The following INPP5A variants were observed in gnomAD, a reference collection of about 807,000 sequenced individuals.
INPP5A encodes the protein 43 kDa inositol polyphosphate 5-phophatase.
Under a neutral mutation model 65.2 loss-of-function variants are expected in INPP5A, and 14 were observed. The observed-to-expected ratio is 0.21, with a 90% CI of 0.14 to 0.34. The LOEUF is 0.34. Ranked by LOEUF, INPP5A falls within the 10% of genes least tolerant of loss-of-function variation. INPP5A has a pLI of 1.00. For synonymous variants in INPP5A, 207 were observed against 208.3 expected, an observed-to-expected ratio of 0.99 and a Z score of 0.05; for missense variants, 431 against 545.6, an observed-to-expected ratio of 0.79 and a Z score of 2.09.
At chr10:132,744,954 G>T (rs1335048018) in intron 9 of INPP5A, among the ~76,000 whole-genome samples, 1 of 152,190 alleles carries the variant, frequency 6.6e-6, no homozygotes, top group Non-Finnish European at 1.5e-5. Context: ...CCTGGGCCCG[G>T]CGGTGCAGCC....
intron 1 of INPP5A, among the ~76,000 whole-genome samples, chr10:132,597,188 C>A (rs1294777937): frequency 6.6e-6 from 1 of 152,250 alleles, no homozygotes; most frequent in South Asian, 2.1e-4. Context: ...TATGCACATG[C>A]ACTTGTGTTT....
rs1845367172 is a variant in INPP5A, at chr10:132,697,694, C to T, written c.371-122C>T. On this transcript the variant is annotated intron_variant, in intron 5 of 15. Transcript: ENST00000368594. The surrounding 1 kb of genome is among the most constrained non-coding windows in gnomAD (Gnocchi z 5.6). Reference sequence around the variant, plus strand: ...TGGGTCGGACCCCTCATCAGGGCCTCCTCTCGGGGGGCCTCTCTGGCTCCC... The same window carrying T: ...TGGGTCGGACCCCTCATCAGGGCCTTCTCTCGGGGGGCCTCTCTGGCTCCC... 1 of 686,650 alleles carries T rather than the reference C, an allele frequency of 1.5e-6. No individual in the cohort carries two copies. The highest frequency in any genetic ancestry group is 2.3e-5 in the Admixed American group (1 of 44,162). The allele number at this position is 686,650 out of a possible 1,614,324, so 42.5% of individuals were successfully genotyped here.
Position 132,674,681 on chromosome 10 carries a change from TG to T in INPP5A, c.307-15710del, listed in dbSNP as rs1564959239. 6.6e-6 allele frequency among the ~76,000 whole-genome samples: 1 copy of T among 152,196 alleles called. No homozygotes were observed. The highest frequency in any genetic ancestry group is 2.4e-5 in the African/African-American group (1 of 41,442). ...ATGCCACTTCCATTTGATGATGGAA[TG>T]CTGCTGTGCATGACCCACTTCATGG... is the stretch of plus-strand genomic sequence containing the variant. On this transcript the variant is annotated intron_variant, in intron 4 of 15. Transcript: ENST00000368594. This position sits in a 1 kb window ranked among gnomAD's most constrained non-coding sequence, Gnocchi z 4.4.
Position 132,537,870 on chromosome 10 carries a change from G to T in INPP5A, c.-227G>T. On this transcript the variant is annotated 5_prime_UTR_variant, in exon 1 of 16. Coordinates refer to ENST00000368594, the MANE Select transcript of INPP5A (RefSeq NM_005539.5). Reference sequence around the variant, plus strand: ...CTGCGCGCGGGCCGCTGTGAGGCGCGGCGGCGAGCGACGGGCGCGGGGCCG... The same window carrying T: ...CTGCGCGCGGGCCGCTGTGAGGCGCTGCGGCGAGCGACGGGCGCGGGGCCG... 1 of 345,964 alleles carries T rather than the reference G, an allele frequency of 2.9e-6. No homozygotes were observed. Among genetic ancestry groups the T allele is most frequent in the South Asian group, 1.4e-4 (1 of 7,384 alleles). The allele number at this position is 345,964 out of a possible 1,614,324, so 21.4% of individuals were successfully genotyped here.
intron 1 of INPP5A, among the ~76,000 whole-genome samples, chr10:132,607,004 A>G (rs2071865540): frequency 6.6e-6 from 1 of 151,212 alleles, no homozygotes; most frequent in Non-Finnish European, 1.5e-5. Context: ...ACGGTGGGCG[A>G]TGTTGGAGCT....
At chr10:132,621,152 C>G (rs546801266) in intron 2 of INPP5A, among the ~76,000 whole-genome samples, 27 of 152,266 alleles carry the variant, frequency 1.8e-4, no homozygotes, top group African/African-American at 6.5e-4. Flanking sequence ...CTACAGAGCC[C>G]CACAGCTCAT....
Position 132,704,391 on chromosome 10 carries a change from A to AC in INPP5A, c.475-3920dup, listed in dbSNP as rs1405293101. Among the ~76,000 whole-genome samples the AC allele has an allele frequency of 6.6e-6, 1 of 152,176 alleles. No individual in the cohort carries two copies. Among genetic ancestry groups the AC allele is most frequent in the East Asian group, 1.9e-4 (1 of 5,184 alleles). ...GACTGTGGCCTAAAGCCACCAAGGGACCATAGGTGCAGTTCTTAACCTGTG... is the reference window on the plus strand; with the variant it reads ...GACTGTGGCCTAAAGCCACCAAGGGACCCATAGGTGCAGTTCTTAACCTGTG... On this transcript the variant is annotated intron_variant, in intron 6 of 15. Transcript: ENST00000368594. This position sits in a 1 kb window ranked among gnomAD's most constrained non-coding sequence, Gnocchi z 4.5.
rs543345447 is a variant in INPP5A, at chr10:132,575,397, G to C, written c.76-32518G>C. ...CAGCCCCCCGCAGCTCACAGGGTCA[G>C]GATGGGAGGGGAGTACAGGCTGAGG... On this transcript the variant is annotated intron_variant, in intron 1 of 15. Coordinates refer to ENST00000368594, the MANE Select transcript of INPP5A (RefSeq NM_005539.5). This position sits in a 1 kb window ranked among gnomAD's most constrained non-coding sequence, Gnocchi z 5.4. 5.9e-5 allele frequency among the ~76,000 whole-genome samples: 9 copies of C among 152,296 alleles called. No homozygotes were observed. The South Asian group carries it at 1.9e-3, about 32-fold the overall frequency.
intron 12 of INPP5A, among the ~76,000 whole-genome samples, chr10:132,768,057 T>C (rs1206040338): frequency 2.3e-5 from 3 of 127,884 alleles, no homozygotes; most frequent in African/African-American, 6.1e-5. Context: ...GTTCCCAGGG[T>C]GCCCACGCAC....
At chr10:132,539,967 T>C (rs1020062330) in intron 1 of INPP5A, among the ~76,000 whole-genome samples, 8 of 152,212 alleles carry the variant, frequency 5.3e-5, no homozygotes, top group African/African-American at 1.9e-4. Flanking sequence ...CCTCACACTT[T>C]ATTATTAACA....
intron 1 of INPP5A, among the ~76,000 whole-genome samples, chr10:132,574,467 G>T (rs2071390688): frequency 1.3e-5 from 2 of 151,584 alleles, no homozygotes; most frequent in Admixed American, 6.6e-5. Flanking sequence ...TGTTGGGTGT[G>T]TGTCCTGTGT....
Position 132,538,031 on chromosome 10 carries a change from G to A in INPP5A, c.-66G>A. 1.2e-6 allele frequency: 1 copy of A among 814,628 alleles called. No homozygotes were observed. The highest frequency in any genetic ancestry group is 1.5e-6 in the Non-Finnish European group (1 of 673,630). The allele number at this position is 814,628 out of a possible 1,614,324, so 50.5% of individuals were successfully genotyped here. On this transcript the variant is annotated 5_prime_UTR_variant, in exon 1 of 16. Transcript: ENST00000368594. The surrounding 1 kb of genome is among the most constrained non-coding windows in gnomAD (Gnocchi z 4.1). Reference sequence around the variant, plus strand: ...CGCGGCCCCGCGAAGACCCCGGCCGGCCGGTCCCGGAGGAAGCGGCCGCCG... The same window carrying A: ...CGCGGCCCCGCGAAGACCCCGGCCGACCGGTCCCGGAGGAAGCGGCCGCCG...
chr10:132,593,460 G>A (rs892751011), intron 1 of INPP5A, among the ~76,000 whole-genome samples: 3 of 152,146 alleles, frequency 2.0e-5, no homozygotes, highest in Admixed American at 1.3e-4. Context: ...ATGTACATCC[G>A]GAATTTTGAG....
rs192643759 is a variant in INPP5A, at chr10:132,755,728, A to T, written c.903+5883A>T. ...CTTTTTAGTTAGAAAGTTTAGGCAG[A>T]CCCTAGCGGCAGCCGCTGAGGCCTG... On this transcript the variant is annotated intron_variant, in intron 11 of 15. Transcript: ENST00000368594. Among the ~76,000 whole-genome samples, 1,105 of 152,010 alleles carry T rather than the reference A, an allele frequency of 7.3e-3. 9 individuals are homozygous for T. Among genetic ancestry groups the T allele is most frequent in the Middle Eastern group, 0.014 (4 of 292 alleles).
chr10:132,622,143 A>T (rs933932633), intron 2 of INPP5A, among the ~76,000 whole-genome samples: 2 of 152,292 alleles, frequency 1.3e-5, no homozygotes, highest in African/African-American at 4.8e-5. Context: ...CAATAGCAGT[A>T]AAATGAAATA....
intron 8 of INPP5A, among the ~76,000 whole-genome samples, chr10:132,718,563 C>A (rs1376697401): frequency 7.0e-6 from 1 of 143,622 alleles, no homozygotes; most frequent in African/African-American, 2.6e-5. Context: ...CGACTGTCTT[C>A]AGGGTTCTGT....
chr10:132,550,712 A>G lies in INPP5A; in HGVS notation c.75+12541A>G, dbSNP rs921295256. On this transcript the variant is annotated intron_variant, in intron 1 of 15. Coordinates refer to ENST00000368594, the MANE Select transcript of INPP5A (RefSeq NM_005539.5). The surrounding 1 kb of genome is among the most constrained non-coding windows in gnomAD (Gnocchi z 4.2). The stretch of plus-strand genomic sequence containing the variant: ...TTTCACTATTAAAACAAGTGGAAAC[A>G]CTAGTTTGGTCCCGCCTGACCTCAT... 1.4e-4 allele frequency among the ~76,000 whole-genome samples: 21 copies of G among 152,198 alleles called. No individual in the cohort carries two copies. The highest frequency in any genetic ancestry group is 3.1e-4 in the Non-Finnish European group (21 of 68,024).
At chr10:132,756,675 C>T (rs181154631) in intron 11 of INPP5A, among the ~76,000 whole-genome samples, 9 of 152,366 alleles carry the variant, frequency 5.9e-5, no homozygotes, top group East Asian at 3.9e-4. Context: ...CTGGTGTCTG[C>T]GTTTCTTCTC....
At chr10:132,750,614 C>T (rs927586133) in intron 11 of INPP5A, among the ~76,000 whole-genome samples, 3 of 152,212 alleles carry the variant, frequency 2.0e-5, no homozygotes, top group African/African-American at 7.2e-5. Context: ...TGTTTATCAG[C>T]GCAAAGAACC....
Sources: gnomAD v4.1 joint callset for allele counts (sites outside exome capture counted in the v4.1 genomes callset) on GRCh38, gnomAD v4.1.1 for gene constraint, Gnocchi (gnomAD v3.1) non-coding constraint, MANE v1.5 for transcripts, NCBI Gene and HGNC (gene_info 2026-07-23, HGNC 2026-07-21) for gene names.